AFG2A: variants seen among roughly 807,000 people sequenced by gnomAD.
AFG2A encodes AAA ATPase AFG2A, also known as ATPase family gene 2 protein homolog A.
At chr4:123,166,144 C>T in the AFG2A span, among the ~76,000 whole-genome samples, 1 of 151,882 alleles carries the variant, frequency 6.6e-6, no homozygotes, top group Admixed American at 6.6e-5. Flanking sequence ...AAGTATTGAC[C>T]CTGAGTGTGT....
the AFG2A span, among the ~76,000 whole-genome samples, chr4:123,242,376 T>G: frequency 6.6e-6 from 1 of 152,174 alleles, no homozygotes; most frequent in African/African-American, 2.4e-5. Flanking sequence ...AAGGCTATAG[T>G]AACCAAAACA....
chr4:123,211,358 C>T, the AFG2A span, among the ~76,000 whole-genome samples: 1 of 152,060 alleles, frequency 6.6e-6, no homozygotes, highest in African/African-American at 2.4e-5. Context: ...TGTTCTGTGA[C>T]AAGTGCCAGT....
the AFG2A span, among the ~76,000 whole-genome samples, chr4:123,115,403 G>C: frequency 6.6e-6 from 1 of 152,070 alleles, no homozygotes; most frequent in Non-Finnish European, 1.5e-5. Flanking sequence ...AGCAGGGTGG[G>C]TGCGGCGACA....
the AFG2A span, among the ~76,000 whole-genome samples, chr4:123,086,877 C>T: frequency 6.6e-6 from 1 of 152,246 alleles, no homozygotes; most frequent in South Asian, 2.1e-4. Flanking sequence ...TTTTTGATCT[C>T]TAGCATTTCT....
At chr4:123,308,843 A>C in the AFG2A span, among the ~76,000 whole-genome samples, 1 of 152,210 alleles carries the variant, frequency 6.6e-6, no homozygotes, top group Non-Finnish European at 1.5e-5. Flanking sequence ...GACTATTTAC[A>C]TAGCCAGAGC....
the AFG2A span, among the ~76,000 whole-genome samples, chr4:123,100,924 T>C: frequency 1.3e-5 from 2 of 151,958 alleles, no homozygotes; most frequent in Non-Finnish European, 2.9e-5. Context: ...CCAAGTGATT[T>C]CCCAATTATT....
the AFG2A span, among the ~76,000 whole-genome samples, chr4:123,236,187 A>G: frequency 1.3e-5 from 2 of 152,212 alleles, no homozygotes; most frequent in Admixed American, 6.5e-5. Context: ...TCAAGGCTTC[A>G]TAGATACTGT....
the AFG2A span, among the ~76,000 whole-genome samples, chr4:123,074,133 G>T: frequency 1.5e-3 from 187 of 121,452 alleles, no homozygotes; most frequent in African/African-American, 5.1e-3. Context: ...TCGCTCTGTT[G>T]CCCAGGCTGG....
chr4:122,967,842 T>C, the AFG2A span, among the ~76,000 whole-genome samples: 1 of 152,164 alleles, frequency 6.6e-6, no homozygotes, highest in Non-Finnish European at 1.5e-5. Flanking sequence ...TAGATCATCA[T>C]GTTTTTAATT....
At chr4:123,285,135 C>CTAAGCT in the AFG2A span, among the ~76,000 whole-genome samples, 1 of 151,950 alleles carries the variant, frequency 6.6e-6, no homozygotes, top group Non-Finnish European at 1.5e-5. Flanking sequence ...CTGCACACTG[C>CTAAGCT]TAAGCTGACC....
chr4:122,929,496 C>A, the AFG2A span, among the ~76,000 whole-genome samples: 1 of 151,990 alleles, frequency 6.6e-6, no homozygotes, highest in Non-Finnish European at 1.5e-5. Context: ...GAGTTCAAGA[C>A]CAACCTGAGC....
the AFG2A span, among the ~76,000 whole-genome samples, chr4:123,156,536 T>C: frequency 6.6e-6 from 1 of 152,248 alleles, no homozygotes; most frequent in South Asian, 2.1e-4. Context: ...ATAATCCCTT[T>C]AGCAATTGGG....
At chr4:122,955,451 A>T in the AFG2A span, among the ~76,000 whole-genome samples, 1 of 152,228 alleles carries the variant, frequency 6.6e-6, no homozygotes, top group African/African-American at 2.4e-5. Flanking sequence ...TGTGGAAGGG[A>T]CATTCAAACC....
At chr4:123,308,150 C>G in the AFG2A span, among the ~76,000 whole-genome samples, 28 of 152,106 alleles carry the variant, frequency 1.8e-4, no homozygotes, top group East Asian at 1.9e-4. Flanking sequence ...AAGCATCTCT[C>G]AAAAATAACA....
chr4:122,993,668 T>C, the AFG2A span, among the ~76,000 whole-genome samples: 5 of 152,072 alleles, frequency 3.3e-5, no homozygotes, highest in African/African-American at 1.2e-4. Flanking sequence ...TTTAAAATTA[T>C]AACAACCTTA....
the AFG2A span, among the ~76,000 whole-genome samples, chr4:122,946,379 A>G: frequency 2.7e-5 from 4 of 150,272 alleles, no homozygotes; most frequent in Admixed American, 2.6e-4. Context: ...GAATGGAAAC[A>G]TGTGATACTG....
the AFG2A span, among the ~76,000 whole-genome samples, chr4:122,959,721 G>A: frequency 9.2e-5 from 14 of 152,174 alleles, no homozygotes; most frequent in Non-Finnish European, 2.1e-4. Context: ...TGTAGTGTTT[G>A]TGTAGATTGT....
the AFG2A span, among the ~76,000 whole-genome samples, chr4:123,048,469 A>G: frequency 6.6e-6 from 1 of 152,136 alleles, no homozygotes; most frequent in African/African-American, 2.4e-5. Context: ...CATTTTAACA[A>G]TACTTATTCT....
the AFG2A span, among the ~76,000 whole-genome samples, chr4:123,122,305 A>G: frequency 3.3e-5 from 5 of 152,344 alleles, no homozygotes; most frequent in South Asian, 2.1e-4. Context: ...TGAAAATATC[A>G]TAAGTCAAAA....
Sources: allele counts gnomAD v4.1 joint callset (sites outside exome capture counted in the v4.1 genomes callset), GRCh38; gene constraint gnomAD v4.1.1; transcripts MANE v1.5; gene names NCBI Gene and HGNC (gene_info 2026-07-23, HGNC 2026-07-21).